The following SAMD4A variants were observed in gnomAD, a reference collection of about 807,000 sequenced individuals.
SAMD4A encodes sterile alpha motif domain containing 4A.
In SAMD4A, 33 loss-of-function variants were observed where a neutral mutation model predicts 81.3. The observed-to-expected ratio is 0.41, with a 90% confidence interval of 0.31 to 0.54. The LOEUF is 0.54. SAMD4A is among the 20% of genes least tolerant of loss of function. The pLI is 0.37. For missense variants in SAMD4A, 854 were observed against 951.1 expected (o/e 0.90, Z 1.34); for synonymous variants, 389 against 382.1 (o/e 1.02, Z -0.21).
intron 2 of SAMD4A, among the ~76,000 whole-genome samples, chr14:54,700,752 C>G (rs1224568044): frequency 6.6e-6 from 1 of 152,128 alleles, no homozygotes; most frequent in Admixed American, 6.6e-5. Context: ...GGCTATTTCT[C>G]AAAGGCTAAT....
intron 11 of SAMD4A, among the ~76,000 whole-genome samples, chr14:54,778,611 T>G (rs1233206899): frequency 6.6e-6 from 1 of 152,100 alleles, no homozygotes; most frequent in Non-Finnish European, 1.5e-5. Flanking sequence ...TCTGGAACGC[T>G]TTGAGTGTTT....
chr14:54,596,971 C>A (rs571983883), intron 2 of SAMD4A, among the ~76,000 whole-genome samples: 1 of 152,322 alleles, frequency 6.6e-6, no homozygotes, highest in South Asian at 2.1e-4. Flanking sequence ...ACCTCTAAAT[C>A]AGATCTTATG....
intron 2 of SAMD4A, among the ~76,000 whole-genome samples, chr14:54,612,784 C>T (rs2034392463): frequency 6.6e-6 from 1 of 152,092 alleles, no homozygotes; most frequent in African/African-American, 2.4e-5. Context: ...GGGAAGACTA[C>T]CCGAGGCAGT....
intron 3 of SAMD4A, chr14:54,702,886 C>T (rs1395564027): frequency 3.0e-6 from 1 of 334,656 alleles, no homozygotes. Context: ...ATGCATTTCA[C>T]CCATGTCTTT....
intron 2 of SAMD4A, among the ~76,000 whole-genome samples, chr14:54,650,486 C>T (rs2035380273): frequency 6.6e-6 from 1 of 152,174 alleles, no homozygotes; most frequent in Non-Finnish European, 1.5e-5. Context: ...TATAGCAGCT[C>T]CTGCGACTGG....
In SAMD4A at chr14:54,760,436, C is replaced by A; in HGVS notation, c.1452C>A (p.Ala484=). The change falls in exon 7 of 13, where the codon GCC becomes GCA. Residue 484 remains alanine (A), a synonymous_variant. Transcript: ENST00000554335. ...TGAGCAGCTGCGATGGGGAGCTGGCCGTCGCCCCCCTGCCAGAGGGGGACC... is the reference window on the plus strand; with the variant it reads ...TGAGCAGCTGCGATGGGGAGCTGGCAGTCGCCCCCCTGCCAGAGGGGGACC... The part of the protein sequence containing the change: ...HQLSSCDGEL[A]VAPLPEGDLP... 7.0e-7 allele frequency: 1 copy of A among 1,429,428 alleles called. No individual in the cohort carries two copies. Among genetic ancestry groups the A allele is most frequent in the Non-Finnish European group, 9.1e-7 (1 of 1,101,194 alleles). 88.5% of individuals were successfully genotyped at this position (1,429,428 alleles called of 1,614,324 possible).
At chr14:54,648,675 A>C (rs2035337374) in intron 2 of SAMD4A, among the ~76,000 whole-genome samples, 2 of 152,180 alleles carry the variant, frequency 1.3e-5, no homozygotes, top group South Asian at 4.1e-4. Context: ...ATGAAGTTGG[A>C]GAGGTAACCT....
chr14:54,592,439 T>C (rs1469644393), intron 2 of SAMD4A, among the ~76,000 whole-genome samples: 1 of 152,162 alleles, frequency 6.6e-6, no homozygotes, highest in African/African-American at 2.4e-5. Flanking sequence ...AGTGAAACAT[T>C]TGCATTGTTA....
At chr14:54,617,230 G>T (rs1407436207) in intron 2 of SAMD4A, among the ~76,000 whole-genome samples, 1 of 152,082 alleles carries the variant, frequency 6.6e-6, no homozygotes, top group Non-Finnish European at 1.5e-5. Context: ...ATAAAATATG[G>T]TATTTCTTTC....
chr14:54,693,425 A>AG (rs1214030357), intron 2 of SAMD4A: 1 of 152,242 alleles, frequency 6.6e-6, no homozygotes, highest in African/African-American at 2.4e-5. Flanking sequence ...AGCTGGGCGC[A>AG]GTGCCTCATG....
intron 2 of SAMD4A, chr14:54,687,919 G>A (rs2036319451): frequency 1.0e-6 from 1 of 986,544 alleles, no homozygotes; most frequent in African/African-American, 1.7e-5. Flanking sequence ...TCCCTTCTCA[G>A]GCATCACCCT....
At chr14:54,738,542 A>G (rs1249361328) in intron 4 of SAMD4A, among the ~76,000 whole-genome samples, 3 of 152,186 alleles carry the variant, frequency 2.0e-5, no homozygotes, top group Non-Finnish European at 2.9e-5. Flanking sequence ...TTAAAGGTAT[A>G]TAACAGGCAG....
chr14:54,667,669 C>T (rs536715058), intron 2 of SAMD4A, among the ~76,000 whole-genome samples: 1 of 152,192 alleles, frequency 6.6e-6, no homozygotes, highest in African/African-American at 2.4e-5. Context: ...CTGTGGAACC[C>T]TTCTCTCTCT....
intron 3 of SAMD4A, among the ~76,000 whole-genome samples, chr14:54,732,845 GTAGTTA>G (rs2037592333): frequency 6.6e-6 from 1 of 152,122 alleles, no homozygotes; most frequent in Non-Finnish European, 1.5e-5. Context: ...CAGAAAAAAG[GTAGTTA>G]TAGTTAATTT....
chr14:54,567,733 C>T lies in SAMD4A; in HGVS notation c.-184C>T, dbSNP rs1008726180. On this transcript the variant is annotated 5_prime_UTR_variant, in exon 2 of 13. In the 5' UTR this introduces an upstream ATG that the reference lacks. Transcript: ENST00000554335. ...GGGAAATCAGCCAGAACCACCGGAA[C>T]GTAACTGAAACCAGACAAGAGAGGC... The T allele has an allele frequency of 3.6e-6, 2 of 555,122 alleles. No homozygotes were observed. Among genetic ancestry groups the T allele is most frequent in the Non-Finnish European group, 6.2e-6 (2 of 322,128 alleles). 34.4% of individuals were successfully genotyped at this position (555,122 alleles called of 1,614,324 possible).
chr14:54,613,334 G>A (rs1179531689), intron 2 of SAMD4A, among the ~76,000 whole-genome samples: 1 of 152,176 alleles, frequency 6.6e-6, no homozygotes, highest in Non-Finnish European at 1.5e-5. Flanking sequence ...GTGGGAGCAG[G>A]TTAGGGTGAA....
At position 54,698,512 on chromosome 14, in the gene SAMD4A, A is replaced by G. The variant is rs973358843; in HGVS notation, c.197-3550A>G. Among the ~76,000 whole-genome samples, 5 of 152,226 alleles carry G rather than the reference A, an allele frequency of 3.3e-5. No homozygotes were observed. The South Asian group carries it at 1.0e-3, about 32-fold the overall frequency. On this transcript the variant is annotated intron_variant, in intron 2 of 12. Coordinates refer to ENST00000554335, the MANE Select transcript of SAMD4A (RefSeq NM_015589.6). ...CTTCATCTGTAAAAGAAGGCTAGTA[A>G]TAGGACCTACCTCATAAGCTTCTTG...
chr14:54,616,858 GA>G (rs1231151931), intron 2 of SAMD4A, among the ~76,000 whole-genome samples: 2 of 152,136 alleles, frequency 1.3e-5, no homozygotes, highest in Non-Finnish European at 2.9e-5. Flanking sequence ...TAAAGACATG[GA>G]AAATTCCATT....
At chr14:54,783,800 A>G (rs970422764) in intron 11 of SAMD4A, among the ~76,000 whole-genome samples, 1 of 152,200 alleles carries the variant, frequency 6.6e-6, no homozygotes, top group Non-Finnish European at 1.5e-5. Flanking sequence ...GTGGTCTCAC[A>G]CTAAGAGGTG....
Sources: gnomAD v4.1 joint callset for allele counts (sites outside exome capture counted in the v4.1 genomes callset) on GRCh38, gnomAD v4.1.1 for gene constraint, MANE v1.5 for transcripts, NCBI Gene and HGNC (gene_info 2026-07-23, HGNC 2026-07-21) for gene names.